SPINK5: variants seen among roughly 807,000 people sequenced by gnomAD.
The protein encoded by SPINK5 is serine protease inhibitor Kazal-type 5.
Under a neutral mutation model 151.8 loss-of-function variants are expected in SPINK5, and 125 were observed. The observed-to-expected ratio is 0.82, with a 90% confidence interval of 0.71 to 0.96. The LOEUF (loss-of-function observed/expected upper bound fraction) is 0.96. SPINK5 is among the 40% of genes least tolerant of loss of function. The pLI is 0.00. For missense variants in SPINK5, 1,194 were observed against 1,291.9 expected, an observed-to-expected ratio of 0.92 and a Z score of 1.16; for synonymous variants, 374 against 395.3, an observed-to-expected ratio of 0.95 and a Z score of 0.64.
intron 5 of SPINK5, among the ~76,000 whole-genome samples, chr5:148,086,938 GATT>G (rs1753173378): frequency 8.9e-6 from 1 of 112,774 alleles, no homozygotes; most frequent in South Asian, 3.7e-4. Context: ...TAGATTATAT[GATT>G]ATCATATATA....
At chr5:148,068,538 T>C (rs1752643620) in intron 2 of SPINK5, among the ~76,000 whole-genome samples, 1 of 112,822 alleles carries the variant, frequency 8.9e-6, no homozygotes, top group East Asian at 2.5e-4. Flanking sequence ...GGCGATGTAG[T>C]GAGACCCTGC....
chr5:148,086,588 A>G lies in SPINK5; in HGVS notation c.410+56A>G, dbSNP rs1753162474. 7.5e-6 allele frequency: 12 copies of G among 1,594,122 alleles called. 1 individual carries two copies. In the South Asian group the frequency reaches 1.0e-4, roughly 13 times the overall value. Reference sequence around the variant, plus strand: ...TAAAACGTGTTCTCTCTATAATTACATGACACAATTTTCCCTACAGTCTTT... The same window carrying G: ...TAAAACGTGTTCTCTCTATAATTACGTGACACAATTTTCCCTACAGTCTTT... On this transcript the variant is annotated intron_variant, in intron 5 of 32. Coordinates refer to ENST00000256084, the MANE Select transcript of SPINK5 (RefSeq NM_006846.4).
intron 22 of SPINK5, 34 bp downstream of exon 22, chr5:148,116,500 G>A (rs750211005): frequency 1.3e-5 from 21 of 1,601,248 alleles, no homozygotes; most frequent in Admixed American, 8.3e-5. Context: ...TAACTGGGGC[G>A]GGCTCAACTC....
intron 8 of SPINK5, among the ~76,000 whole-genome samples, chr5:148,092,438 A>C (rs79057075): frequency 0.019 from 2,961 of 152,010 alleles, 81 homozygotes; most frequent in African/African-American, 0.068. Context: ...GATAGTTAAC[A>C]TTTTATTACT....
chr5:148,120,088 C>T lies in SPINK5; in HGVS notation c.2393C>T (p.Pro798Leu), dbSNP rs1754211878. The change falls in exon 25 of 33, where the codon CCA becomes CTA. Residue 798 changes from proline (P) to leucine (L), a missense_variant. By Grantham distance (98) the Pro-to-Leu change is moderately conservative (BLOSUM62 -3). Coordinates refer to ENST00000256084, the MANE Select transcript of SPINK5 (RefSeq NM_006846.4). Reference protein sequence around the residue: ...CTRESDPVRGPDGKTHGNKCT... With the variant: ...CTRESDPVRGLDGKTHGNKCT... The stretch of plus-strand genomic sequence containing the variant: ...CGAGAAAGTGACCCTGTCCGGGGTC[C>T]AGATGGCAAGACACATGGCAATAAG... 6.2e-7 allele frequency: 1 copy of T among 1,613,822 alleles called. No individual in the cohort carries two copies. Among genetic ancestry groups the T allele is most frequent in the African/African-American group, 1.3e-5 (1 of 74,850 alleles).
chr5:148,092,341 C>T (rs1753333174), intron 8 of SPINK5, among the ~76,000 whole-genome samples: 1 of 151,942 alleles, frequency 6.6e-6, no homozygotes. Context: ...GAACCATCTA[C>T]AGTTTATGCA....
At chr5:148,066,605 G>A (rs1187167353) in intron 2 of SPINK5, among the ~76,000 whole-genome samples, 4 of 152,050 alleles carry the variant, frequency 2.6e-5, no homozygotes, top group African/African-American at 7.3e-5. Context: ...TACTGATAGG[G>A]AGAGGTCCAG....
intron 4 of SPINK5, among the ~76,000 whole-genome samples, chr5:148,075,557 T>G (rs1023420203): frequency 1.3e-5 from 2 of 151,748 alleles, no homozygotes; most frequent in Admixed American, 6.6e-5. Flanking sequence ...TTACATAAAA[T>G]TATCCTAAGG....
At chr5:148,081,609 G>A (rs534011099) in intron 4 of SPINK5, among the ~76,000 whole-genome samples, 2 of 151,660 alleles carry the variant, frequency 1.3e-5, no homozygotes, top group East Asian at 3.9e-4. Flanking sequence ...CTTGAAGCTG[G>A]AGGTGGGGGC....
At position 148,070,408 on chromosome 5, in the gene SPINK5, G is replaced by A; in HGVS notation, c.167G>A (p.Gly56Glu). 6.2e-7 allele frequency: 1 copy of A among 1,612,662 alleles called. No individual in the cohort carries two copies. Among genetic ancestry groups the A allele is most frequent in the Non-Finnish European group, 8.5e-7 (1 of 1,179,140 alleles). Residue 56 changes from glycine (G) to glutamate (E), a missense_variant, in exon 3 of 33, where the codon GGA (glycine) becomes GAA (glutamate). By Grantham distance (98) the Gly-to-Glu change is moderately conservative. Coordinates refer to ENST00000256084, the MANE Select transcript of SPINK5 (RefSeq NM_006846.4). ...AAGAAATTTTTTCAAAGTCTTGATG[G>A]AATAATGTTCATCAATAAATGTGCC... Reference protein sequence around the residue: ...QDKKFFQSLDGIMFINKCATC... With the variant: ...QDKKFFQSLDEIMFINKCATC...
Position 148,133,866 on chromosome 5 carries a change from C to T in SPINK5, c.3165C>T (p.Thr1055=), listed in dbSNP as rs781766202. 19 of 1,613,848 alleles carry T rather than the reference C, an allele frequency of 1.2e-5. No individual in the cohort carries two copies. Among genetic ancestry groups the T allele is most frequent in the Admixed American group, 1.2e-4 (7 of 59,970 alleles). ...AGGAGAGCAGCACCCCAGGAACCAC[C>T]GCAGCCAGCATGCCCCCGTCTGTAA... is the stretch of plus-strand genomic sequence containing the variant. The part of the protein sequence containing the change: ...KCEESSTPGT[T]AASMPPSDE Residue 1055 remains threonine (T), a synonymous_variant, in exon 32 of 33, where the codon ACC becomes ACT. Coordinates refer to ENST00000256084, the MANE Select transcript of SPINK5 (RefSeq NM_006846.4).
In SPINK5 at chr5:148,099,124, C is replaced by T. The variant is rs1255657202; in HGVS notation, c.1011-110C>T. 6.1e-6 allele frequency: 6 copies of T among 983,004 alleles called. No individual in the cohort carries two copies. In the Admixed American group the frequency reaches 8.5e-5, roughly 14 times the overall value. The allele number at this position is 983,004 out of a possible 1,614,324, so 60.9% of individuals were successfully genotyped here. The stretch of plus-strand genomic sequence containing the variant: ...TCATTGATATGCAGTGATAAAGGGA[C>T]AAAATTGTTCCACTCTAAGGAGGGA... On this transcript the variant is annotated intron_variant, in intron 11 of 32. Coordinates refer to ENST00000256084, the MANE Select transcript of SPINK5 (RefSeq NM_006846.4).
intron 22 of SPINK5, 63 bp from the exon 23 acceptor site, chr5:148,118,374 C>T (rs543958972): frequency 6.2e-7 from 1 of 1,609,272 alleles, no homozygotes; most frequent in Admixed American, 1.7e-5. Context: ...ACTGTTAAAA[C>T]AATTTACTAA....
At chr5:148,117,953 T>A (rs1230133672) in intron 22 of SPINK5, among the ~76,000 whole-genome samples, 4 of 152,148 alleles carry the variant, frequency 2.6e-5, no homozygotes, top group Non-Finnish European at 5.9e-5. Flanking sequence ...TCTCTTATAA[T>A]TACAACATGG....
In SPINK5 at chr5:148,086,855, T is replaced by C. The variant is rs554940137; in HGVS notation, c.410+323T>C. Among the ~76,000 whole-genome samples the C allele has an allele frequency of 2.7e-5, 4 of 150,014 alleles. No homozygotes were observed. The East Asian group carries it at 7.8e-4, about 29-fold the overall frequency. ...TATATTTAAAATGTATAATAAAATA[T>C]AGCTTTAATATAATAAAACAGATTT... On this transcript the variant is annotated intron_variant, in intron 5 of 32. Coordinates refer to ENST00000256084, the MANE Select transcript of SPINK5 (RefSeq NM_006846.4).
chr5:148,079,442 A>C (rs552550190), intron 4 of SPINK5, among the ~76,000 whole-genome samples: 2 of 151,346 alleles, frequency 1.3e-5, no homozygotes, highest in East Asian at 3.9e-4. Context: ...AAAATGTAGA[A>C]GACATCACAA....
rs774348053 is a variant in SPINK5 at position 148,118,557 on chromosome 5, G to A, written c.2233G>A (p.Ala745Thr). 6.2e-7 allele frequency: 1 copy of A among 1,614,098 alleles called. No homozygotes were observed. The highest frequency in any genetic ancestry group is 8.5e-7 in the Non-Finnish European group (1 of 1,180,002). Residue 745 changes from alanine to threonine, a missense_variant, in exon 23 of 33, where the codon GCA (alanine) becomes ACA (threonine). Coordinates refer to ENST00000256084, the MANE Select transcript of SPINK5 (RefSeq NM_006846.4). ...CAACAATCAGTGTACCATGTGTAAA[G>A]CAAAATTGTAAGTATTTCTCTCAAC... is the stretch of plus-strand genomic sequence containing the variant. ...SYNNQCTMCK[A>T]KLEREAERKN... is the part of the protein sequence containing the mutation.
chr5:148,112,866 A>C lies in SPINK5; in HGVS notation c.1821-2A>C. 6.2e-7 allele frequency: 1 copy of C among 1,613,892 alleles called. No homozygotes were observed. The highest frequency in any genetic ancestry group is 2.2e-5 in the East Asian group (1 of 44,854). Reference sequence around the variant, plus strand: ...ATTGTTTTGTCCTCCCTTTTCTTATAGCCAGCAAGAAGCAAAAGAAAAAGA... The same window carrying C: ...ATTGTTTTGTCCTCCCTTTTCTTATCGCCAGCAAGAAGCAAAAGAAAAAGA... On this transcript the variant is annotated splice_acceptor_variant, in intron 19 of 32. Coordinates refer to ENST00000256084, the MANE Select transcript of SPINK5 (RefSeq NM_006846.4). LOFTEE classifies it high-confidence loss of function.
chr5:148,116,827 T>C (rs972937347), intron 22 of SPINK5, among the ~76,000 whole-genome samples: 2 of 152,212 alleles, frequency 1.3e-5, no homozygotes, highest in Admixed American at 6.5e-5. Context: ...AGGTGTCTTT[T>C]CTGTTGATCC....
Sources: gnomAD v4.1 joint callset for allele counts (sites outside exome capture counted in the v4.1 genomes callset) on GRCh38, gnomAD v4.1.1 for gene constraint, MANE v1.5 for transcripts, NCBI Gene and HGNC (gene_info 2026-07-23, HGNC 2026-07-21) for gene names.